The following QRICH2 variants were observed in gnomAD, a reference collection of about 807,000 sequenced individuals.
The protein encoded by QRICH2 is glutamine rich 2, also known as glutamine-rich protein 2.
In QRICH2, 119 loss-of-function variants were observed where a neutral mutation model predicts 168.3. The observed-to-expected ratio is 0.71, with a 90% CI of 0.61 to 0.82. The LOEUF (loss-of-function observed/expected upper bound fraction) is 0.82. Ranked by LOEUF, QRICH2 falls within the 40% of genes least tolerant of loss-of-function variation. QRICH2 has a pLI of 0.00. For missense variants in QRICH2, 2,241 were observed against 2,491.6 expected, an observed-to-expected ratio of 0.90 and a Z score of 2.14; for synonymous variants, 894 against 951.2, an observed-to-expected ratio of 0.94 and a Z score of 1.11.
At chr17:76,309,226 CG>C (rs2071038506), upstream of QRICH2, among the ~76,000 whole-genome samples, 1 of 150,380 alleles carries the variant, frequency 6.6e-6, no homozygotes, top group Non-Finnish European at 1.5e-5. Flanking sequence ...CATGGTACCG[CG>C]CATCTGTAAT....
chr17:76,297,657 C>T (rs1487728629), intron 3 of QRICH2, among the ~76,000 whole-genome samples: 1 of 152,182 alleles, frequency 6.6e-6, no homozygotes, highest in African/African-American at 2.4e-5. Flanking sequence ...ACCAACTCAA[C>T]ACTGGCATAT....
Position 76,293,575 on chromosome 17 carries a change from A to G in QRICH2, c.1152T>C (p.His384=). The G allele has an allele frequency of 1.2e-6, 2 of 1,614,158 alleles. No homozygotes were observed. The highest frequency in any genetic ancestry group is 1.7e-6 in the Non-Finnish European group (2 of 1,180,028). ...SSVPASQSQV[H]LRPDRRGLEP... is the part of the protein sequence containing the mutation. The stretch of plus-strand genomic sequence containing the variant: ...CTAACCCACGACGATCTGGCCTTAG[A>G]TGGACCTGACTCTGGCTAGCGGGCA... The change falls in exon 4 of 19, where the codon CAT becomes CAC. Residue 384 remains histidine (H), a synonymous_variant. Coordinates refer to ENST00000680821, the MANE Select transcript of QRICH2 (RefSeq NM_001388453.1).
intron 1 of QRICH2, among the ~76,000 whole-genome samples, chr17:76,305,327 C>T (rs1473490558): frequency 1.3e-5 from 2 of 152,042 alleles, no homozygotes; most frequent in African/African-American, 4.8e-5. Context: ...CCACATCCAG[C>T]TAATTTTAAA....
At chr17:76,299,556 G>A (rs141862946) in intron 3 of QRICH2, among the ~76,000 whole-genome samples, 2 of 152,076 alleles carry the variant, frequency 1.3e-5, no homozygotes, top group Non-Finnish European at 2.9e-5. Context: ...GGACAACATG[G>A]TGAAACCCTG....
In QRICH2 at chr17:76,293,655, G is replaced by T. The variant is rs758080262; in HGVS notation, c.1072C>A (p.Arg358Ser). The T allele has an allele frequency of 1.2e-6, 2 of 1,614,204 alleles. No individual in the cohort carries two copies. Among genetic ancestry groups the T allele is most frequent in the East Asian group, 4.5e-5 (2 of 44,888 alleles). Residue 358 changes from arginine (R) to serine (S), a missense_variant, in exon 4 of 19, where the codon CGT (arginine) becomes AGT (serine). Physicochemically the swap from Arg to Ser is moderately radical, Grantham distance 110. Transcript: ENST00000680821. ...LTSTQPRRNA[R>S]PGPVQQDLPL... ...AAGTCCTGTTGAACTGGACCAGGACGTGCATTTCTTCTTGGTTGTGTCGAG... is the reference window on the plus strand; with the variant it reads ...AAGTCCTGTTGAACTGGACCAGGACTTGCATTTCTTCTTGGTTGTGTCGAG...
intron 3 of QRICH2, chr17:76,301,472 G>A: frequency 4.3e-6 from 1 of 234,338 alleles, no homozygotes. Context: ...GGAGGCTGAG[G>A]CAGGAGGATT....
rs148029652 is a variant in QRICH2 at position 76,292,122 on chromosome 17, G to A, written c.2605C>T (p.Arg869Cys). 422 of 1,612,748 alleles carry A rather than the reference G, an allele frequency of 2.6e-4. No individual in the cohort carries two copies. The highest frequency in any genetic ancestry group is 2.9e-4 in the Non-Finnish European group (345 of 1,179,526). Residue 869 changes from arginine (R) to cysteine (C), a missense_variant, in exon 4 of 19, where the codon CGT becomes TGT. By Grantham distance (180) the Arg-to-Cys change is radical (BLOSUM62 -3). Around this residue, in one of 3 missense-constraint regions of QRICH2, gnomAD observed 2,047 missense variants for 2,303.8 expected, o/e 0.89. Transcript: ENST00000680821. ...RGLVQPGVDQ[R>C]GLVQPGVDQR... ...TCCACTCCAGGTTGCACCAAACCAC[G>A]CTGATCCACTCCAGGTTGGACCAAA... is the stretch of plus-strand genomic sequence containing the variant.
intron 7 of QRICH2, 77 bp downstream of exon 7, chr17:76,287,115 A>T: frequency 1.3e-6 from 1 of 796,682 alleles, no homozygotes; most frequent in Non-Finnish European, 2.1e-6. Context: ...GTTTTTGATG[A>T]GAGGTGGGAG....
chr17:76,286,794 G>C (rs1291793960), intron 7 of QRICH2, among the ~76,000 whole-genome samples: 1 of 149,670 alleles, frequency 6.7e-6, no homozygotes, highest in Non-Finnish European at 1.5e-5. Flanking sequence ...AGAATTGCTT[G>C]AACCTGGGAG....
chr17:76,288,727 T>C (rs1276491443), intron 5 of QRICH2, among the ~76,000 whole-genome samples: 1 of 148,700 alleles, frequency 6.7e-6, no homozygotes, highest in Admixed American at 6.7e-5. Flanking sequence ...AAAAGGAGAA[T>C]GTCTGAAGGG....
intron 7 of QRICH2, among the ~76,000 whole-genome samples, chr17:76,286,909 G>A (rs2070894935): frequency 6.6e-6 from 1 of 150,666 alleles, no homozygotes; most frequent in African/African-American, 2.4e-5. Flanking sequence ...GGGAAAGATC[G>A]AATGGGAGGT....
chr17:76,282,034 C>T lies in QRICH2; in HGVS notation c.4093G>A (p.Ala1365Thr), dbSNP rs1448619877. 1 of 1,613,646 alleles carries T rather than the reference C, an allele frequency of 6.2e-7. No homozygotes were observed. Among genetic ancestry groups the T allele is most frequent in the East Asian group, 2.2e-5 (1 of 44,872 alleles). Residue 1365 changes from alanine (A) to threonine (T), a missense_variant, in exon 8 of 19, where the codon GCC becomes ACC. Physicochemically the swap from Ala to Thr is moderately conservative, Grantham distance 58. Coordinates refer to ENST00000680821, the MANE Select transcript of QRICH2 (RefSeq NM_001388453.1). ...LLSMSMAPHK[A>T]HTLAPGQIDP... ...ATCTGGCCAGGAGCCAAGGTGTGGG[C>T]CTTGTGCGGGGCCATGCTCATGGAC...
intron 3 of QRICH2, among the ~76,000 whole-genome samples, chr17:76,298,721 T>C (rs2070845612): frequency 1.3e-5 from 2 of 151,994 alleles, no homozygotes; most frequent in Admixed American, 6.6e-5. Flanking sequence ...GTTCAAGCGA[T>C]TCTCCTGCCT....
Position 76,287,232 on chromosome 17 carries a change from T to G in QRICH2, c.3971A>C (p.Glu1324Ala). 6.2e-7 allele frequency: 1 copy of G among 1,614,034 alleles called. No homozygotes were observed. Among genetic ancestry groups the G allele is most frequent in the Non-Finnish European group, 8.5e-7 (1 of 1,179,970 alleles). Residue 1324 changes from glutamate to alanine, a missense_variant, in exon 7 of 19, where the codon GAA becomes GCA. Physicochemically the swap from Glu to Ala is moderately radical, Grantham distance 107 (BLOSUM62 -1). Coordinates refer to ENST00000680821, the MANE Select transcript of QRICH2 (RefSeq NM_001388453.1). ...ESQDRGKAAM[E>A]NSVSEASLYL... The stretch of plus-strand genomic sequence containing the variant: ...AAGGGAGGCTTCAGAGACAGAATTT[T>G]CCATGGCAGCCTTGCCCCTGTCTTG...
At chr17:76,308,388 T>G (rs141089929), upstream of QRICH2, 256 of 985,400 alleles carry the variant, frequency 2.6e-4, 1 homozygote, top group African/African-American at 4.3e-3. Flanking sequence ...AAGGGGAGCC[T>G]TGGCAACGGG....
intron 3 of QRICH2, among the ~76,000 whole-genome samples, chr17:76,302,535 G>A (rs1016020433): frequency 6.6e-6 from 1 of 152,200 alleles, no homozygotes; most frequent in Admixed American, 6.6e-5. Context: ...TTATCCGGGT[G>A]GATGCAGTGA....
chr17:76,289,030 G>A (rs2070940907), intron 5 of QRICH2, among the ~76,000 whole-genome samples: 1 of 151,666 alleles, frequency 6.6e-6, no homozygotes, highest in Non-Finnish European at 1.5e-5. Context: ...CGTGAACCTG[G>A]GAGGTGGAGC....
intron 6 of QRICH2, 25 bp downstream of exon 6, chr17:76,287,775 G>C: frequency 6.4e-7 from 1 of 1,573,646 alleles, no homozygotes; most frequent in Non-Finnish European, 8.7e-7. Context: ...CAGGGGACCA[G>C]CTGCTCTTAG....
rs1159170340 is a variant in QRICH2, at chr17:76,277,152, A to G, written c.5265+11T>C. On this transcript the variant is annotated intron_variant, in intron 16 of 18. Transcript: ENST00000680821. Reference sequence around the variant, plus strand: ...GCCTCCCTCCCTGGTGGCTCCAGGCAGGGCCCTGACCTTCATGGCAATCTG... The same window carrying G: ...GCCTCCCTCCCTGGTGGCTCCAGGCGGGGCCCTGACCTTCATGGCAATCTG... 1 of 1,548,642 alleles carries G rather than the reference A, an allele frequency of 6.5e-7. No homozygotes were observed. The highest frequency in any genetic ancestry group is 1.2e-5 in the South Asian group (1 of 81,662).
Sources: gnomAD v4.1 joint callset for allele counts (sites outside exome capture counted in the v4.1 genomes callset) on GRCh38, gnomAD v4.1.1 for gene constraint, gnomAD v4.1.1 regional missense constraint, MANE v1.5 for transcripts, NCBI Gene and HGNC (gene_info 2026-07-23, HGNC 2026-07-21) for gene names.